The following CRACD variants were observed in gnomAD, a reference collection of about 807,000 sequenced individuals.
The protein encoded by CRACD is capping protein inhibiting regulator of actin dynamics.
A neutral mutation model predicts 106.8 loss-of-function variants in CRACD; 56 were observed. That is an observed-to-expected ratio of 0.52 (90% confidence interval 0.42 to 0.66). CRACD has a LOEUF of 0.66. Ranked by LOEUF, CRACD falls within the 30% of genes least tolerant of loss-of-function variation. The pLI, the probability that CRACD is intolerant of heterozygous loss-of-function variation, is 0.00. For missense variants in CRACD, 1,730 were observed against 1,623.2 expected, an observed-to-expected ratio of 1.07 and a Z score of -1.13; for synonymous variants, 754 against 670.8, an observed-to-expected ratio of 1.12 and a Z score of -1.92.
At chr4:56,206,639 T>C (rs1738134232) in intron 2 of CRACD, among the ~76,000 whole-genome samples, 1 of 152,232 alleles carries the variant, frequency 6.6e-6, no homozygotes, top group Non-Finnish European at 1.5e-5. Context: ...TAGATGATGT[T>C]GCATTTAACG....
At chr4:56,259,490 G>A (rs1188232593) in intron 2 of CRACD, among the ~76,000 whole-genome samples, 1 of 152,164 alleles carries the variant, frequency 6.6e-6, no homozygotes, top group Non-Finnish European at 1.5e-5. Context: ...CACTAAGTAG[G>A]AGGTGGGGAA....
chr4:56,314,592 G>T lies in CRACD; in HGVS notation c.1090G>T (p.Glu364Ter). 6.6e-7 allele frequency: 1 copy of T among 1,524,246 alleles called. No individual in the cohort carries two copies. Among genetic ancestry groups the T allele is most frequent in the Non-Finnish European group, 8.8e-7 (1 of 1,136,002 alleles). The allele number at this position is 1,524,246 out of a possible 1,614,324, so 94.4% of individuals were successfully genotyped here. A position where few individuals can be genotyped will look rare whatever the true frequency, so the allele number is the denominator to read the frequency against. ...GGAGGAGCTCAAAAGGCAGGAGGAG[G>T]AGGAGGCTGAGGGATGGGAAGAGCT... ...CAEELKRQEEEEAEGWEELEQ... is the reference protein window; with the variant it reads ...CAEELKRQEE Residue 364 changes from glutamate to a stop codon, truncating the protein, a stop_gained, in exon 8 of 11, where the codon GAG becomes TAG. Transcript: ENST00000682029. LOFTEE classifies it high-confidence loss of function. This position sits in a 1 kb window ranked among gnomAD's most constrained non-coding sequence, Gnocchi z 4.4.
intron 2 of CRACD, among the ~76,000 whole-genome samples, chr4:56,215,409 C>T (rs1191229433): frequency 7.9e-5 from 12 of 152,210 alleles, no homozygotes; most frequent in Non-Finnish European, 1.0e-4. Context: ...CTCCTAATAC[C>T]GTCACCTTGG....
At chr4:56,300,860 CAGTA>C (rs1350782287) in intron 4 of CRACD, among the ~76,000 whole-genome samples, 9 of 152,158 alleles carry the variant, frequency 5.9e-5, no homozygotes, top group Non-Finnish European at 1.0e-4. Flanking sequence ...TTTCTGTTAA[CAGTA>C]AGGCGTGATT....
At chr4:56,298,661 G>A (rs1286079736) in intron 4 of CRACD, among the ~76,000 whole-genome samples, 3 of 152,122 alleles carry the variant, frequency 2.0e-5, no homozygotes, top group Admixed American at 6.6e-5. Flanking sequence ...GGCCAGGCGC[G>A]GTGGCTCAGG....
intron 1 of CRACD, among the ~76,000 whole-genome samples, chr4:56,131,111 A>G (rs562492092): frequency 2.6e-5 from 4 of 152,318 alleles, no homozygotes; most frequent in Non-Finnish European, 4.4e-5. Context: ...TTGTCTGTAC[A>G]CTAGTATGAA....
intron 2 of CRACD, among the ~76,000 whole-genome samples, chr4:56,214,528 G>A (rs915461461): frequency 6.6e-6 from 1 of 151,552 alleles, no homozygotes; most frequent in Admixed American, 6.6e-5. Context: ...GGAGGCGGAG[G>A]TTGCAGTCAG....
chr4:56,285,072 G>A (rs1289082085), intron 3 of CRACD, among the ~76,000 whole-genome samples: 1 of 152,164 alleles, frequency 6.6e-6, no homozygotes, highest in South Asian at 2.1e-4. Context: ...ATGGTGGAAG[G>A]TGAAAGGGAA....
chr4:56,282,915 A>AGATAGCTC (rs1743112475), intron 3 of CRACD, among the ~76,000 whole-genome samples: 1 of 152,238 alleles, frequency 6.6e-6, no homozygotes, highest in African/African-American at 2.4e-5. Flanking sequence ...CTTAAAATAG[A>AGATAGCTC]GATAGCTCTT....
Position 56,314,731 on chromosome 4 carries a change from C to A in CRACD, c.1229C>A (p.Ala410Glu). 6.4e-7 allele frequency: 1 copy of A among 1,573,974 alleles called. No homozygotes were observed. Among genetic ancestry groups the A allele is most frequent in the South Asian group, 1.2e-5 (1 of 85,814 alleles). ...DLGEEEEEGQAHLEDWRGQLS... is the reference protein window; with the variant it reads ...DLGEEEEEGQEHLEDWRGQLS... ...GGGGAAGAGGAGGAGGAGGGCCAGG[C>A]GCACCTGGAGGACTGGAGGGGGCAG... Residue 410 changes from alanine (A) to glutamate (E), a missense_variant, in exon 8 of 11, where the codon GCG becomes GAG. By Grantham distance (107) the Ala-to-Glu change is moderately radical. Transcript: ENST00000682029. The surrounding 1 kb of genome is among the most constrained non-coding windows in gnomAD (Gnocchi z 4.4).
At chr4:56,270,910 C>T (rs1382230221) in intron 2 of CRACD, among the ~76,000 whole-genome samples, 5 of 140,452 alleles carry the variant, frequency 3.6e-5, no homozygotes, top group Non-Finnish European at 6.2e-5. Context: ...GGTGAAGCAC[C>T]GTCTCTACTA....
intron 2 of CRACD, among the ~76,000 whole-genome samples, chr4:56,199,692 A>G (rs1164916489): frequency 3.4e-5 from 5 of 146,856 alleles, no homozygotes; most frequent in African/African-American, 1.3e-4. Context: ...AAAAAAAAAA[A>G]AGAAAAGAAA....
At chr4:56,092,334 C>A (rs141730467) in intron 1 of CRACD, among the ~76,000 whole-genome samples, 1 of 152,134 alleles carries the variant, frequency 6.6e-6, no homozygotes, top group African/African-American at 2.4e-5. Context: ...GAGGAATAGT[C>A]CTTTTGCTTA....
At chr4:56,067,549 C>A (rs568303842) in intron 1 of CRACD, among the ~76,000 whole-genome samples, 1 of 152,176 alleles carries the variant, frequency 6.6e-6, no homozygotes, top group Admixed American at 6.5e-5. Context: ...CTTGGTTCTG[C>A]ACTTCATTTG....
intron 2 of CRACD, among the ~76,000 whole-genome samples, chr4:56,210,558 AAAAC>A (rs1469482574): frequency 6.6e-6 from 1 of 152,256 alleles, no homozygotes; most frequent in African/African-American, 2.4e-5. Context: ...GGACACAGGC[AAAAC>A]AAGGTAAAAG....
chr4:56,100,102 G>A (rs1733730540), intron 1 of CRACD, among the ~76,000 whole-genome samples: 1 of 152,092 alleles, frequency 6.6e-6, no homozygotes, highest in African/African-American at 2.4e-5. Context: ...AATTAGCCAG[G>A]CATGGTGTCA....
chr4:56,138,107 T>C (rs1735067526), intron 1 of CRACD, among the ~76,000 whole-genome samples: 8 of 152,024 alleles, frequency 5.3e-5, no homozygotes, highest in Admixed American at 5.2e-4. Flanking sequence ...TGACTTTCTC[T>C]GAGATTGTGA....
chr4:56,179,182 TG>T (rs1453643966), intron 1 of CRACD, 101 bp from the exon 2 acceptor site: 5 of 152,138 alleles, frequency 3.3e-5, no homozygotes, highest in African/African-American at 1.2e-4. Context: ...ACCTCTTTTG[TG>T]CTGACTTCTG....
chr4:56,217,768 C>T (rs893384607), intron 2 of CRACD, among the ~76,000 whole-genome samples: 14 of 152,186 alleles, frequency 9.2e-5, no homozygotes, highest in African/African-American at 1.4e-4. Flanking sequence ...CACTTTCCCT[C>T]GAGGCCTGAA....
Sources: gnomAD v4.1 joint callset for allele counts (sites outside exome capture counted in the v4.1 genomes callset) on GRCh38, gnomAD v4.1.1 for gene constraint, Gnocchi (gnomAD v3.1) non-coding constraint, MANE v1.5 for transcripts, NCBI Gene and HGNC (gene_info 2026-07-23, HGNC 2026-07-21) for gene names.